The following HORMAD2 variants were observed in gnomAD, a reference collection of about 807,000 sequenced individuals.
The protein encoded by HORMAD2 is HORMA domain containing 2, also known as HORMA domain-containing protein 2.
A neutral mutation model predicts 38.8 loss-of-function variants in HORMAD2; 45 were observed. The ratio of observed to expected loss-of-function variants is 1.16; its 90% CI spans 0.91 to 1.49. The LOEUF is 1.49. Among genes scored for constraint, HORMAD2 ranks in the 40% most tolerant of loss-of-function variants. The pLI, the probability that HORMAD2 is intolerant of heterozygous loss-of-function variation, is 0.00. For missense variants in HORMAD2, 338 were observed against 367.0 expected (o/e 0.92, Z 0.65); for synonymous variants, 126 against 122.8 (o/e 1.03, Z -0.17).
chr22:30,128,580 A>C (rs938413865), intron 10 of HORMAD2, among the ~76,000 whole-genome samples: 2 of 152,198 alleles, frequency 1.3e-5, no homozygotes, highest in Non-Finnish European at 2.9e-5. Context: ...TTTTTCTACG[A>C]ATATAGTATC....
chr22:30,086,027 G>A (rs974276607), intron 1 of HORMAD2, among the ~76,000 whole-genome samples: 5 of 152,202 alleles, frequency 3.3e-5, no homozygotes, highest in Non-Finnish European at 1.5e-5. Flanking sequence ...GTAATCCCCA[G>A]TGTTGGAGGA....
chr22:30,140,864 AG>A (rs1169949271), intron 10 of HORMAD2, among the ~76,000 whole-genome samples: 3 of 152,132 alleles, frequency 2.0e-5, no homozygotes. Context: ...GTGGAAAGTT[AG>A]GTTATTTGAG....
intron 10 of HORMAD2, among the ~76,000 whole-genome samples, chr22:30,131,608 CACAAGTAT>C (rs775103633): frequency 1.2e-4 from 19 of 152,134 alleles, no homozygotes; most frequent in Non-Finnish European, 2.4e-4. Context: ...TTATAAGAGC[CACAAGTAT>C]TTTTAAAGTT....
chr22:30,185,375 T>C, the HORMAD2 span, among the ~76,000 whole-genome samples: 1 of 152,222 alleles, frequency 6.6e-6, no homozygotes, highest in African/African-American at 2.4e-5. Flanking sequence ...GCCTTCAAAA[T>C]GAGGCCCACA....
the HORMAD2 span, among the ~76,000 whole-genome samples, chr22:30,204,253 C>A: frequency 6.6e-6 from 1 of 152,196 alleles, no homozygotes; most frequent in Non-Finnish European, 1.5e-5. Flanking sequence ...GAGGAGTGTT[C>A]CTGCCATCCA....
At chr22:30,193,615 A>G in the HORMAD2 span, among the ~76,000 whole-genome samples, 6 of 152,194 alleles carry the variant, frequency 3.9e-5, no homozygotes, top group African/African-American at 1.4e-4. Flanking sequence ...CACTCCAAGC[A>G]GGACAGTGAG....
chr22:30,206,243 T>G, the HORMAD2 span, among the ~76,000 whole-genome samples: 1 of 152,144 alleles, frequency 6.6e-6, no homozygotes, highest in African/African-American at 2.4e-5. Flanking sequence ...CTCAGCTCAC[T>G]GCAACCTCTG....
chr22:30,132,562 A>T (rs1923360093), intron 10 of HORMAD2, among the ~76,000 whole-genome samples: 1 of 151,978 alleles, frequency 6.6e-6, no homozygotes, highest in Non-Finnish European at 1.5e-5. Flanking sequence ...ACAAAACCAA[A>T]AAACCACACA....
At chr22:30,096,289 T>A (rs1343151231) in intron 2 of HORMAD2, among the ~76,000 whole-genome samples, 2 of 152,226 alleles carry the variant, frequency 1.3e-5, no homozygotes, top group Non-Finnish European at 2.9e-5. Context: ...ATGTGTTGGA[T>A]GTATACCTAT....
chr22:30,095,336 G>C (rs1321076976), intron 2 of HORMAD2, among the ~76,000 whole-genome samples: 1 of 152,016 alleles, frequency 6.6e-6, no homozygotes, highest in Non-Finnish European at 1.5e-5. Context: ...CAAAATTTAG[G>C]CACTTGATTT....
chr22:30,092,047 T>A (rs975194540), intron 1 of HORMAD2, among the ~76,000 whole-genome samples: 1 of 150,836 alleles, frequency 6.6e-6, no homozygotes. Flanking sequence ...TGGCTAATTT[T>A]TTTTTTTTTT....
chr22:30,085,377 T>C (rs2068553261), intron 1 of HORMAD2, among the ~76,000 whole-genome samples: 1 of 152,200 alleles, frequency 6.6e-6, no homozygotes, highest in Admixed American at 6.5e-5. Flanking sequence ...GTGAATACAC[T>C]AAATTGATGG....
intron 3 of HORMAD2, among the ~76,000 whole-genome samples, chr22:30,102,805 T>C (rs529070707): frequency 6.6e-6 from 1 of 151,858 alleles, no homozygotes; most frequent in Non-Finnish European, 1.5e-5. Flanking sequence ...TTTTTAATTA[T>C]TTTTTTTAGA....
At chr22:30,137,445 A>G (rs147743542) in intron 10 of HORMAD2, 48 of 312,996 alleles carry the variant, frequency 1.5e-4, no homozygotes, top group Admixed American at 7.2e-4. Context: ...TGTTGATCAC[A>G]CCACTGCACT....
At chr22:30,138,965 C>T (rs1472518423) in intron 10 of HORMAD2, among the ~76,000 whole-genome samples, 1 of 151,960 alleles carries the variant, frequency 6.6e-6, no homozygotes, top group Non-Finnish European at 1.5e-5. Flanking sequence ...AAAACTAACA[C>T]TCCATGATGT....
At chr22:30,078,607 C>CAAAAAAAAAAAAAAAAAAAAAAAAAAAAA (rs55966787), upstream of HORMAD2, among the ~76,000 whole-genome samples, 1 of 28,102 alleles carries the variant, frequency 3.6e-5, no homozygotes, top group African/African-American at 1.5e-4. Context: ...CTCTGTCTCA[C>CAAAAAAAAAAAAAAAAAAAAAAAAAAAAA]AAAAAAAAAA....
the HORMAD2 span, chr22:30,192,207 C>A: frequency 6.6e-6 from 1 of 152,320 alleles, no homozygotes; most frequent in Non-Finnish European, 1.5e-5. Context: ...TCAGGCAGCC[C>A]ATCTGATGCA....
At chr22:30,194,865 G>A in the HORMAD2 span, among the ~76,000 whole-genome samples, 1 of 152,150 alleles carries the variant, frequency 6.6e-6, no homozygotes, top group Non-Finnish European at 1.5e-5. Flanking sequence ...GTCATTGGGT[G>A]CTTATATTCC....
At chr22:30,112,650 T>C (rs1921750689) in intron 7 of HORMAD2, 128 bp downstream of exon 7, 3 of 441,946 alleles carry the variant, frequency 6.8e-6, no homozygotes, top group South Asian at 6.8e-5. Flanking sequence ...TAGTGGGCTC[T>C]TTCAGTATAT....
Sources: allele counts gnomAD v4.1 joint callset (sites outside exome capture counted in the v4.1 genomes callset), GRCh38; gene constraint gnomAD v4.1.1; transcripts MANE v1.5; gene names NCBI Gene and HGNC (gene_info 2026-07-23, HGNC 2026-07-21).